Variants in DLC1 observed in about 807,000 individuals in gnomAD.
DLC1 encodes DLC1 Rho GTPase activating protein, also known as rho GTPase-activating protein 7.
A neutral mutation model predicts 140.3 loss-of-function variants in DLC1; 54 were observed. The observed-to-expected ratio is 0.38, with a 90% CI of 0.31 to 0.48. The LOEUF (loss-of-function observed/expected upper bound fraction) is 0.48, where lower values mean the gene tolerates loss of function less well. DLC1 is among the 20% of genes least tolerant of loss of function. DLC1 has a pLI of 0.96. For synonymous variants in DLC1, 986 were observed against 728.1 expected, an observed-to-expected ratio of 1.35 and a Z score of -5.70; for missense variants, 2,536 against 1,907.0, an observed-to-expected ratio of 1.33 and a Z score of -6.14.
At chr8:13,567,135 C>T in intron 1 of DLC1, 1 of 1,551,732 alleles carries the variant, frequency 6.4e-7, no homozygotes, top group Non-Finnish European at 8.7e-7. Context: ...AGTCCTCGCC[C>T]CTGACCTCTG....
intron 1 of DLC1, among the ~76,000 whole-genome samples, chr8:13,587,650 T>A (rs900067): frequency 0.99 from 146,213 of 148,290 alleles, 72,125 homozygotes; most frequent in Non-Finnish European, 1. Flanking sequence ...ATATGTATGT[T>A]TATATAGGCG....
rs534796236 is a variant in DLC1 at position 13,264,228 on chromosome 8, C to T, written c.1348+41041G>A. On this transcript the variant is annotated intron_variant, in intron 5 of 17. Transcript: ENST00000276297. ...GGATTACAGGCAGCAGTCACCATAC[C>T]TGGCTAATTTTTTTTTGTATTTTTA... Among the ~76,000 whole-genome samples, 22 of 151,990 alleles carry T rather than the reference C, an allele frequency of 1.4e-4. No homozygotes were observed. The East Asian group carries it at 4.1e-3, about 28-fold the overall frequency.
At chr8:13,525,015 C>T (rs1802876227) in intron 1 of DLC1, among the ~76,000 whole-genome samples, 1 of 152,162 alleles carries the variant, frequency 6.6e-6, no homozygotes, top group Non-Finnish European at 1.5e-5. Flanking sequence ...TTCTTCTGCT[C>T]CCAAGGCAAC....
chr8:13,393,970 C>T (rs985019183), intron 3 of DLC1, among the ~76,000 whole-genome samples: 1 of 152,156 alleles, frequency 6.6e-6, no homozygotes, highest in Non-Finnish European at 1.5e-5. Context: ...GGGAGTGTGG[C>T]TAGCTAGGGC....
intron 5 of DLC1, among the ~76,000 whole-genome samples, chr8:13,203,701 G>A (rs1827514136): frequency 6.6e-6 from 1 of 151,950 alleles, no homozygotes; most frequent in Non-Finnish European, 1.5e-5. Flanking sequence ...ACTTTTTAAG[G>A]CAAATATTCC....
At chr8:13,086,101 A>G in intron 17 of DLC1, 170 bp from the exon 18 acceptor site, 2 of 1,345,454 alleles carry the variant, frequency 1.5e-6, no homozygotes, top group Non-Finnish European at 2.0e-6. Flanking sequence ...CACATTTTCT[A>G]AGGGAACCAA....
intron 1 of DLC1, among the ~76,000 whole-genome samples, chr8:13,542,929 C>A (rs945768514): frequency 2.6e-5 from 4 of 151,968 alleles, no homozygotes; most frequent in Non-Finnish European, 4.4e-5. Context: ...AGTTTTATTT[C>A]AGTATTTTGG....
chr8:13,539,870 C>G (rs1470103653), intron 1 of DLC1, among the ~76,000 whole-genome samples: 1 of 151,856 alleles, frequency 6.6e-6, no homozygotes, highest in Non-Finnish European at 1.5e-5. Flanking sequence ...AAGAAACACT[C>G]CAGGAAGTGC....
chr8:13,466,055 G>A (rs1313594320), intron 2 of DLC1, among the ~76,000 whole-genome samples: 1 of 152,110 alleles, frequency 6.6e-6, no homozygotes, highest in African/African-American at 2.4e-5. Flanking sequence ...CCCCACTGAT[G>A]TCCTCACTGG....
chr8:13,303,170 A>C (rs1177490764), intron 5 of DLC1, among the ~76,000 whole-genome samples: 2 of 152,372 alleles, frequency 1.3e-5, no homozygotes, highest in East Asian at 1.9e-4. Context: ...ATCTAAATAG[A>C]AATTCATTCT....
intron 4 of DLC1, chr8:13,338,819 A>G (rs977749146): frequency 6.6e-6 from 1 of 152,190 alleles, no homozygotes; most frequent in African/African-American, 2.4e-5. Context: ...ATAATTGAGT[A>G]ACAATAAATA....
intron 5 of DLC1, among the ~76,000 whole-genome samples, chr8:13,215,243 A>G (rs1460975733): frequency 6.6e-6 from 1 of 152,236 alleles, no homozygotes; most frequent in African/African-American, 2.4e-5. Context: ...AAAATTAATA[A>G]AAGTAGTTAT....
intron 2 of DLC1, among the ~76,000 whole-genome samples, chr8:13,417,207 T>TTTATTA (rs975355303): frequency 2.0e-5 from 3 of 151,736 alleles, no homozygotes; most frequent in African/African-American, 7.3e-5. Flanking sequence ...CCTACTTTTC[T>TTTATTA]TTATTATTAT....
At chr8:13,552,111 G>GTGTGTGTGTATATATATATA (rs1279225632) in intron 1 of DLC1, among the ~76,000 whole-genome samples, 21 of 54,528 alleles carry the variant, frequency 3.9e-4, no homozygotes, top group African/African-American at 1.6e-3. Flanking sequence ...GTCTAGAGGT[G>GTGTGTGTGTATATATATATA]TATATATATA....
In DLC1 at chr8:13,312,386, A is replaced by AAAAATAAT. The variant is rs71207139; in HGVS notation, c.1315-7085_1315-7084insATTATTTT. Among the ~76,000 whole-genome samples the AAAAATAAT allele has an allele frequency of 1.9e-3, 158 of 81,682 alleles. 12 individuals carry two copies. Among genetic ancestry groups the AAAAATAAT allele is most frequent in the African/African-American group, 4.0e-3 (89 of 22,394 alleles). The allele number at this position is 81,682 out of a possible 152,430, so 53.6% of individuals were successfully genotyped here. ...AAAAAAAAAAAAAAAAAAAAAAAAA[A>AAAAATAAT]AATAATTTCTTTAGCAAGCTAGATA... On this transcript the variant is annotated intron_variant, in intron 4 of 17. Transcript: ENST00000276297.
At chr8:13,536,929 T>A (rs1428739127) in intron 1 of DLC1, among the ~76,000 whole-genome samples, 1 of 152,142 alleles carries the variant, frequency 6.6e-6, no homozygotes. Context: ...GGAAAACATA[T>A]CACCATTGCA....
intron 4 of DLC1, among the ~76,000 whole-genome samples, chr8:13,366,275 G>A (rs891595069): frequency 2.0e-5 from 3 of 152,168 alleles, no homozygotes. Context: ...TTTCTGGATT[G>A]TAATCTACTT....
chr8:13,158,749 C>G (rs773868873), intron 5 of DLC1, among the ~76,000 whole-genome samples: 1 of 102,458 alleles, frequency 9.8e-6, no homozygotes, highest in East Asian at 2.8e-4. Flanking sequence ...CCCCCCCCCG[C>G]CCGCCACACA....
intron 2 of DLC1, among the ~76,000 whole-genome samples, chr8:13,437,308 G>C (rs1270514600): frequency 2.6e-5 from 4 of 152,210 alleles, no homozygotes; most frequent in African/African-American, 9.6e-5. Context: ...CACTAGACAT[G>C]CTGCTAGCCT....
Sources: gnomAD v4.1 joint callset for allele counts (sites outside exome capture counted in the v4.1 genomes callset) on GRCh38, gnomAD v4.1.1 for gene constraint, MANE v1.5 for transcripts, NCBI Gene and HGNC (gene_info 2026-07-23, HGNC 2026-07-21) for gene names.